BMP2K: variants seen among roughly 807,000 people sequenced by gnomAD.
BMP2K encodes BMP2 inducible kinase, also known as BMP-2-inducible protein kinase.
A neutral mutation model predicts 116.0 loss-of-function variants in BMP2K; 74 were observed. The ratio of observed to expected loss-of-function variants is 0.64; its 90% CI spans 0.53 to 0.77. The LOEUF is 0.77. Ranked by LOEUF, BMP2K falls within the 30% of genes least tolerant of loss-of-function variation. BMP2K has a pLI of 0.00. For missense variants in BMP2K, 1,365 were observed against 1,403.6 expected (o/e 0.97, Z 0.44); for synonymous variants, 486 against 502.5 (o/e 0.97, Z 0.44).
At chr4:78,815,902 T>C (rs1283988120) in intron 1 of BMP2K, among the ~76,000 whole-genome samples, 1 of 152,130 alleles carries the variant, frequency 6.6e-6, no homozygotes, top group Admixed American at 6.6e-5. Flanking sequence ...CTTAAAAAAA[T>C]ATTGATGAGT....
chr4:78,797,246 A>T (rs922019597), intron 1 of BMP2K, among the ~76,000 whole-genome samples: 1 of 152,132 alleles, frequency 6.6e-6, no homozygotes, highest in Non-Finnish European at 1.5e-5. Flanking sequence ...CTCTCAGGTG[A>T]TGCCAGTTCT....
intron 1 of BMP2K, among the ~76,000 whole-genome samples, chr4:78,792,043 C>G (rs558034820): frequency 6.6e-5 from 10 of 152,294 alleles, no homozygotes; most frequent in Non-Finnish European, 1.0e-4. Context: ...AGTTCCTGTA[C>G]CATTTTACAT....
chr4:78,825,515 G>T (rs1004784959), intron 1 of BMP2K, among the ~76,000 whole-genome samples: 5 of 152,160 alleles, frequency 3.3e-5, no homozygotes, highest in Non-Finnish European at 7.4e-5. Context: ...TGTTCAATTA[G>T]CAAGAACTAG....
intron 15 of BMP2K, chr4:78,899,256 CAG>C (rs1408278149): frequency 2.6e-5 from 4 of 152,058 alleles, no homozygotes; most frequent in South Asian, 2.1e-4. Flanking sequence ...TGGGAGGGAA[CAG>C]GGGACCTTGA....
chr4:78,874,198 C>A (rs1053037711), intron 13 of BMP2K, among the ~76,000 whole-genome samples: 1 of 152,040 alleles, frequency 6.6e-6, no homozygotes, highest in South Asian at 2.1e-4. Flanking sequence ...CACACACACA[C>A]ACAAAAAGTT....
intron 1 of BMP2K, among the ~76,000 whole-genome samples, chr4:78,812,382 A>G (rs1028301177): frequency 1.3e-5 from 2 of 152,172 alleles, no homozygotes; most frequent in African/African-American, 2.4e-5. Flanking sequence ...GCCCAAATAC[A>G]TATCTCTTGT....
chr4:78,845,598 G>A (rs1468030921), intron 5 of BMP2K, among the ~76,000 whole-genome samples: 1 of 151,608 alleles, frequency 6.6e-6, no homozygotes, highest in East Asian at 1.9e-4. Flanking sequence ...TTCTGTGGTT[G>A]CTAAAGTACC....
chr4:78,820,409 T>C (rs1444838235), intron 1 of BMP2K, among the ~76,000 whole-genome samples: 1 of 152,194 alleles, frequency 6.6e-6, no homozygotes, highest in East Asian at 1.9e-4. Context: ...TTTTGTTCTA[T>C]GTGCTGGGTA....
intron 1 of BMP2K, among the ~76,000 whole-genome samples, chr4:78,798,732 A>G (rs1728420506): frequency 6.6e-6 from 1 of 152,226 alleles, no homozygotes; most frequent in Non-Finnish European, 1.5e-5. Context: ...ATGTTTATAA[A>G]GATTTACAAT....
chr4:78,871,657 A>G (rs962406773), intron 11 of BMP2K, among the ~76,000 whole-genome samples, 193 bp from the exon 12 acceptor site: 2 of 152,222 alleles, frequency 1.3e-5, no homozygotes, highest in Non-Finnish European at 2.9e-5. Context: ...AATTGAATCT[A>G]ATTGTTGATA....
chr4:78,828,906 G>A (rs1730013863), intron 2 of BMP2K, among the ~76,000 whole-genome samples: 1 of 152,182 alleles, frequency 6.6e-6, no homozygotes, highest in Non-Finnish European at 1.5e-5. Context: ...GGAATGGGCG[G>A]GGTAGCTGTG....
chr4:78,908,847 T>G (rs1369564510), intron 15 of BMP2K, among the ~76,000 whole-genome samples: 1 of 152,110 alleles, frequency 6.6e-6, no homozygotes, highest in East Asian at 1.9e-4. Context: ...TGCATAATAA[T>G]CACATCAGGG....
chr4:78,813,702 C>T (rs538840656), intron 1 of BMP2K, among the ~76,000 whole-genome samples: 5 of 152,190 alleles, frequency 3.3e-5, no homozygotes, highest in Non-Finnish European at 7.3e-5. Context: ...TCAAAGTCAC[C>T]TCAGGTCTTC....
At position 78,859,944 on chromosome 4, in the gene BMP2K, C is replaced by T. The variant is rs192082801; in HGVS notation, c.987+257C>T. On this transcript the variant is annotated intron_variant, in intron 8 of 15. Coordinates refer to ENST00000502613, the MANE Select transcript of BMP2K (RefSeq NM_198892.2). ...ATTTTTGAGGAAAACACAGGGACATCTTTCTGACTTAGCACAAAACTAATT... is the reference window on the plus strand; with the variant it reads ...ATTTTTGAGGAAAACACAGGGACATTTTTCTGACTTAGCACAAAACTAATT... 2.5e-5 allele frequency: 14 copies of T among 549,420 alleles called. No homozygotes were observed. The Admixed American group carries it at 3.8e-4, about 15-fold the overall frequency. 34.0% of individuals were successfully genotyped at this position (549,420 alleles called of 1,614,324 possible).
chr4:78,806,681 G>T (rs1475219299), intron 1 of BMP2K, among the ~76,000 whole-genome samples: 1 of 152,014 alleles, frequency 6.6e-6, no homozygotes, highest in Non-Finnish European at 1.5e-5. Flanking sequence ...AGACATCCTT[G>T]TTCCTGATCA....
intron 1 of BMP2K, among the ~76,000 whole-genome samples, chr4:78,812,234 A>T (rs1385408014): frequency 6.6e-6 from 1 of 152,132 alleles, no homozygotes; most frequent in Non-Finnish European, 1.5e-5. Flanking sequence ...CTCCCAAAGT[A>T]TTAGGACTAC....
chr4:78,782,520 A>G (rs1226122396), intron 1 of BMP2K, among the ~76,000 whole-genome samples: 1 of 152,192 alleles, frequency 6.6e-6, no homozygotes, highest in Non-Finnish European at 1.5e-5. Context: ...AAGAGCACCA[A>G]TGGAGGGCTC....
intron 1 of BMP2K, among the ~76,000 whole-genome samples, chr4:78,800,143 T>G (rs1338988831): frequency 6.6e-6 from 1 of 152,230 alleles, no homozygotes; most frequent in South Asian, 2.1e-4. Flanking sequence ...TCAGGCAGAA[T>G]GTATAAATAT....
intron 3 of BMP2K, among the ~76,000 whole-genome samples, chr4:78,836,308 T>C (rs1386479156): frequency 6.6e-6 from 1 of 151,916 alleles, no homozygotes; most frequent in African/African-American, 2.4e-5. Context: ...TCCCAGCTAC[T>C]TGGGAGGCTG....
Sources: gnomAD v4.1 joint callset for allele counts (sites outside exome capture counted in the v4.1 genomes callset) on GRCh38, gnomAD v4.1.1 for gene constraint, MANE v1.5 for transcripts, NCBI Gene and HGNC (gene_info 2026-07-23, HGNC 2026-07-21) for gene names.